Variants in TEAD1 observed in about 807,000 individuals in gnomAD.
TEAD1 encodes transcriptional enhancer factor TEF-1.
TEAD1 carries 9 observed loss-of-function variants against 54.9 expected under a neutral mutation model. The ratio of observed to expected loss-of-function variants is 0.16; its 90% CI spans 0.10 to 0.29. The LOEUF is 0.29. TEAD1 is among the 10% of genes least tolerant of loss of function. The pLI is 1.00. For missense variants in TEAD1, 387 were observed against 535.9 expected (o/e 0.72, Z 2.74); for synonymous variants, 200 against 187.8 (o/e 1.07, Z -0.53).
At chr11:12,742,487 T>C (rs978870665) in intron 2 of TEAD1, among the ~76,000 whole-genome samples, 7 of 152,144 alleles carry the variant, frequency 4.6e-5, no homozygotes, top group African/African-American at 1.7e-4. Context: ...GCAAAGTTTC[T>C]CTTAGGAGGA....
At chr11:12,740,038 G>A (rs906069409) in intron 2 of TEAD1, among the ~76,000 whole-genome samples, 7 of 152,220 alleles carry the variant, frequency 4.6e-5, no homozygotes, top group African/African-American at 1.7e-4. Flanking sequence ...AGGTGGCGAG[G>A]AAAGGCATTT....
intron 3 of TEAD1, among the ~76,000 whole-genome samples, chr11:12,860,837 A>G (rs914177960): frequency 6.6e-6 from 1 of 152,234 alleles, no homozygotes; most frequent in African/African-American, 2.4e-5. Flanking sequence ...TTTTGCCACC[A>G]TGGGGGTGTA....
At chr11:12,744,371 A>G (rs1462245373) in intron 2 of TEAD1, among the ~76,000 whole-genome samples, 1 of 152,218 alleles carries the variant, frequency 6.6e-6, no homozygotes, top group African/African-American at 2.4e-5. Context: ...CTAAATGTCC[A>G]AGCATGAGAA....
intron 2 of TEAD1, among the ~76,000 whole-genome samples, chr11:12,676,396 G>C (rs769285569): frequency 2.0e-5 from 3 of 152,174 alleles, no homozygotes; most frequent in Non-Finnish European, 2.9e-5. Flanking sequence ...TTCTCTGCAG[G>C]CTGCAGTGAA....
At chr11:12,827,232 A>T (rs1217239427) in intron 3 of TEAD1, among the ~76,000 whole-genome samples, 2 of 152,222 alleles carry the variant, frequency 1.3e-5, no homozygotes, top group African/African-American at 4.8e-5. Flanking sequence ...TGACTTTACT[A>T]GTCCATGAGT....
At chr11:12,744,409 C>A (rs1019872779) in intron 2 of TEAD1, among the ~76,000 whole-genome samples, 3 of 152,130 alleles carry the variant, frequency 2.0e-5, no homozygotes, top group African/African-American at 7.2e-5. Flanking sequence ...ATATCCACCC[C>A]CCAGAATATT....
At chr11:12,811,817 C>T (rs1004100041) in intron 3 of TEAD1, among the ~76,000 whole-genome samples, 1 of 88,524 alleles carries the variant, frequency 1.1e-5, no homozygotes. Flanking sequence ...TGCAGGCCTT[C>T]GGTTATCATA....
chr11:12,873,271 G>A (rs1366202973), intron 5 of TEAD1, among the ~76,000 whole-genome samples: 1 of 152,214 alleles, frequency 6.6e-6, no homozygotes, highest in South Asian at 2.1e-4. Flanking sequence ...AAAGGGGGCT[G>A]AGGTCAGAAG....
intron 3 of TEAD1, among the ~76,000 whole-genome samples, chr11:12,817,597 A>G (rs1946442653): frequency 6.6e-6 from 1 of 152,118 alleles, no homozygotes; most frequent in Non-Finnish European, 1.5e-5. Context: ...ATGCCCCCCA[A>G]ATGAATTATG....
intron 2 of TEAD1, among the ~76,000 whole-genome samples, chr11:12,676,206 T>C (rs940873683): frequency 6.6e-6 from 1 of 152,254 alleles, no homozygotes; most frequent in Non-Finnish European, 1.5e-5. Flanking sequence ...CAGAACCTTA[T>C]CAGTTCACAA....
intron 5 of TEAD1, among the ~76,000 whole-genome samples, chr11:12,869,673 A>G (rs1407967136): frequency 2.6e-5 from 4 of 152,170 alleles, no homozygotes; most frequent in Admixed American, 2.0e-4. Flanking sequence ...TTTTCATTAT[A>G]TAAGTTTTTT....
chr11:12,883,626 C>T (rs1589956318), intron 9 of TEAD1, among the ~76,000 whole-genome samples: 1 of 152,182 alleles, frequency 6.6e-6, no homozygotes, highest in African/African-American at 2.4e-5. Context: ...GTCCTGAAAA[C>T]TCTAAAGCCT....
intron 11 of TEAD1, among the ~76,000 whole-genome samples, chr11:12,925,319 A>G (rs2134163375): frequency 6.6e-6 from 1 of 152,270 alleles, no homozygotes; most frequent in African/African-American, 2.4e-5. Context: ...CTGAAGGTGA[A>G]GGGGAAGCAA....
intron 2 of TEAD1, among the ~76,000 whole-genome samples, chr11:12,696,165 G>C (rs952006328): frequency 1.3e-5 from 2 of 152,190 alleles, no homozygotes; most frequent in African/African-American, 2.4e-5. Flanking sequence ...ACAAAGGTCG[G>C]AGTTCATTCA....
chr11:12,791,370 C>T (rs944094204), intron 3 of TEAD1, among the ~76,000 whole-genome samples: 3 of 152,184 alleles, frequency 2.0e-5, no homozygotes, highest in African/African-American at 7.2e-5. Context: ...GGGAAGGACC[C>T]CTTGTTATGA....
chr11:12,680,036 G>A (rs1943183328), intron 2 of TEAD1, among the ~76,000 whole-genome samples: 1 of 105,934 alleles, frequency 9.4e-6, no homozygotes, highest in South Asian at 3.1e-4. Context: ...AAAAATGGGA[G>A]TCTTCTAAGA....
chr11:12,851,517 G>A (rs1048737120), intron 3 of TEAD1, among the ~76,000 whole-genome samples: 9 of 152,098 alleles, frequency 5.9e-5, no homozygotes, highest in Non-Finnish European at 1.2e-4. Flanking sequence ...AAAATGGCTG[G>A]GCGCAGTGGC....
At chr11:12,739,751 T>C (rs1944614364) in intron 2 of TEAD1, among the ~76,000 whole-genome samples, 1 of 152,188 alleles carries the variant, frequency 6.6e-6, no homozygotes, top group South Asian at 2.1e-4. Context: ...TGTCCCTCTC[T>C]CCCTCTGTTA....
chr11:12,923,116 C>T (rs539950938), intron 10 of TEAD1, among the ~76,000 whole-genome samples: 1 of 152,140 alleles, frequency 6.6e-6, no homozygotes, highest in African/African-American at 2.4e-5. Flanking sequence ...CCGGAGTCTT[C>T]TCCGAGCCAT....
Sources: gnomAD v4.1 joint callset for allele counts (sites outside exome capture counted in the v4.1 genomes callset) on GRCh38, gnomAD v4.1.1 for gene constraint, MANE v1.5 for transcripts, NCBI Gene and HGNC (gene_info 2026-07-23, HGNC 2026-07-21) for gene names.